Variants in EHMT1 observed in about 807,000 individuals in gnomAD.
The protein encoded by EHMT1 is euchromatic histone lysine methyltransferase 1, also known as histone-lysine N-methyltransferase EHMT1.
EHMT1 carries 15 observed loss-of-function variants against 147.2 expected under a neutral mutation model. The observed-to-expected ratio is 0.10, with a 90% CI of 0.07 to 0.16. The LOEUF is 0.16. Among genes scored for constraint, EHMT1 ranks in the 10% least tolerant of loss-of-function variants. The probability of loss-of-function intolerance (pLI) is 1.00; values close to 1 mark genes in which losing one functional copy is unlikely to be tolerated. For synonymous variants in EHMT1, 795 were observed against 709.6 expected (o/e 1.12, Z -1.91); for missense variants, 1,587 against 1,772.4 (o/e 0.90, Z 1.88).
rs571558099 is a variant in EHMT1, at chr9:137,686,920, C to T, written c.22-24047C>T. Among the ~76,000 whole-genome samples, 42 of 151,994 alleles carry T rather than the reference C, an allele frequency of 2.8e-4. No individual in the cohort carries two copies. The South Asian group carries it at 5.6e-3, about 20-fold the overall frequency. ...TAATTTTTTGTATTTTTAGTAGAGA[C>T]GGGGTTTCACCATGTAGCCAGGATG... On this transcript the variant is annotated intron_variant, in intron 1 of 26. Transcript: ENST00000460843.
At chr9:137,661,872 G>C (rs183634379) in intron 1 of EHMT1, among the ~76,000 whole-genome samples, 1 of 151,908 alleles carries the variant, frequency 6.6e-6, no homozygotes, top group Non-Finnish European at 1.5e-5. Flanking sequence ...CTGCAATCTC[G>C]GCTCACTGCA....
chr9:137,696,659 A>G (rs957229072), intron 1 of EHMT1, among the ~76,000 whole-genome samples: 1 of 152,192 alleles, frequency 6.6e-6, no homozygotes, highest in African/African-American at 2.4e-5. Flanking sequence ...CATCAAGTTC[A>G]ACTGTAGAAT....
intron 10 of EHMT1, among the ~76,000 whole-genome samples, chr9:137,767,712 C>T (rs532607410): frequency 1.7e-4 from 26 of 152,188 alleles, no homozygotes; most frequent in African/African-American, 6.3e-4. Flanking sequence ...ACTTGGGAGG[C>T]TGAGACAGGA....
chr9:137,725,248 C>T (rs1013276344), intron 3 of EHMT1, among the ~76,000 whole-genome samples: 2 of 149,416 alleles, frequency 1.3e-5, no homozygotes. Flanking sequence ...AGATGTGGGG[C>T]AGACATGTGG....
chr9:137,781,090 T>C (rs78863245), intron 14 of EHMT1, among the ~76,000 whole-genome samples: 3,103 of 9,570 alleles, frequency 0.32, 59 homozygotes, highest in East Asian at 0.41. Context: ...GTGATGACGC[T>C]GGGATGTGTG....
At chr9:137,706,412 A>C (rs1944278316) in intron 1 of EHMT1, among the ~76,000 whole-genome samples, 1 of 152,224 alleles carries the variant, frequency 6.6e-6, no homozygotes, top group South Asian at 2.1e-4. Flanking sequence ...TAGATCAAGG[A>C]GAAGGAATAA....
At chr9:137,783,815 G>A (rs1411731020) in intron 15 of EHMT1, among the ~76,000 whole-genome samples, 3 of 152,216 alleles carry the variant, frequency 2.0e-5, no homozygotes, top group African/African-American at 7.2e-5. Context: ...CCCCGTTTCC[G>A]GAGTCATAAC....
chr9:137,791,777 A>G (rs1412900860), intron 16 of EHMT1, among the ~76,000 whole-genome samples: 1 of 152,146 alleles, frequency 6.6e-6, no homozygotes, highest in Non-Finnish European at 1.5e-5. Context: ...TGTCACCCAG[A>G]TTGGAGTGCA....
chr9:137,702,922 C>T (rs533082819), intron 1 of EHMT1, among the ~76,000 whole-genome samples: 3 of 152,208 alleles, frequency 2.0e-5, no homozygotes, highest in Non-Finnish European at 4.4e-5. Context: ...TACAGGCATG[C>T]GCCACCACAG....
intron 16 of EHMT1, among the ~76,000 whole-genome samples, chr9:137,791,836 A>G (rs994889043): frequency 1.3e-5 from 2 of 152,156 alleles, no homozygotes; most frequent in East Asian, 3.8e-4. Context: ...GGTTCAAGCA[A>G]TTCTCCTGCC....
At chr9:137,783,811 T>C (rs1181334765) in intron 15 of EHMT1, among the ~76,000 whole-genome samples, 1 of 152,262 alleles carries the variant, frequency 6.6e-6, no homozygotes, top group African/African-American at 2.4e-5. Context: ...TGTCCCCCGT[T>C]TCCGGAGTCA....
chr9:137,716,864 C>T lies in EHMT1; in HGVS notation c.324C>T (p.His108=), dbSNP rs574402576. 3.0e-5 allele frequency: 49 copies of T among 1,613,282 alleles called. No homozygotes were observed. The highest frequency in any genetic ancestry group is 1.8e-4 in the East Asian group (8 of 44,888). Residue 108 remains histidine, a synonymous_variant, in exon 3 of 27, where the codon CAC becomes CAT. Coordinates refer to ENST00000460843, the MANE Select transcript of EHMT1 (RefSeq NM_024757.5). ...ACTCAGAAGCGGCGAAGCAAAACCACGTCACTGCCGACGACTTTGTGCAGA... is the reference window on the plus strand; with the variant it reads ...ACTCAGAAGCGGCGAAGCAAAACCATGTCACTGCCGACGACTTTGTGCAGA... The part of the protein sequence containing the change: ...ERDSEAAKQN[H]VTADDFVQTS...
At chr9:137,670,486 C>T (rs768326958) in intron 1 of EHMT1, among the ~76,000 whole-genome samples, 1 of 152,152 alleles carries the variant, frequency 6.6e-6, no homozygotes, top group Non-Finnish European at 1.5e-5. Context: ...ACTCTGGTGT[C>T]CTGTGCCCAC....
At chr9:137,826,200 A>G (rs1380505558) in intron 25 of EHMT1, among the ~76,000 whole-genome samples, 2 of 152,180 alleles carry the variant, frequency 1.3e-5, no homozygotes, top group African/African-American at 2.4e-5. Flanking sequence ...CCTTGCTGCC[A>G]TATCTCCTGC....
chr9:137,801,310 C>G (rs1182800748), intron 18 of EHMT1, among the ~76,000 whole-genome samples: 1 of 152,180 alleles, frequency 6.6e-6, no homozygotes, highest in Non-Finnish European at 1.5e-5. Flanking sequence ...ACCTCTGGCT[C>G]TCCCTTTGTT....
At chr9:137,762,015 C>T (rs1949865063) in intron 9 of EHMT1, among the ~76,000 whole-genome samples, 1 of 152,218 alleles carries the variant, frequency 6.6e-6, no homozygotes, top group South Asian at 2.1e-4. Context: ...CATGGGGGCA[C>T]CAGCCCTGGC....
In EHMT1 at chr9:137,728,526, A is replaced by G; in HGVS notation, c.820A>G (p.Thr274Ala). 6.2e-7 allele frequency: 1 copy of G among 1,614,084 alleles called. No homozygotes were observed. The highest frequency in any genetic ancestry group is 8.5e-7 in the Non-Finnish European group (1 of 1,180,010). ...QCYMATTKSQ[T>A]ACLPFVLAAA... Reference sequence around the variant, plus strand: ...CTACATGGCCACCACAAAATCACAGACAGGTAAAGAGGACCCGGCAACTGT... The same window carrying G: ...CTACATGGCCACCACAAAATCACAGGCAGGTAAAGAGGACCCGGCAACTGT... The change falls in exon 4 of 27, where the codon ACA becomes GCA. Residue 274 changes from threonine to alanine, a missense_variant. By Grantham distance (58) the Thr-to-Ala change is moderately conservative (BLOSUM62 0). Transcript: ENST00000460843.
intron 4 of EHMT1, among the ~76,000 whole-genome samples, chr9:137,735,445 T>G (rs1256655570): frequency 6.6e-6 from 1 of 151,816 alleles, no homozygotes; most frequent in Non-Finnish European, 1.5e-5. Flanking sequence ...CTATAAAAAA[T>G]CAACTAAATA....
intron 9 of EHMT1, among the ~76,000 whole-genome samples, 169 bp downstream of exon 9, chr9:137,758,180 C>T (rs74408497): frequency 0.01 from 1,550 of 152,186 alleles, 26 homozygotes; most frequent in African/African-American, 0.035. Context: ...TGCTGTGTCC[C>T]GGTGTTCAAG....
Sources: gnomAD v4.1 joint callset for allele counts (sites outside exome capture counted in the v4.1 genomes callset) on GRCh38, gnomAD v4.1.1 for gene constraint, MANE v1.5 for transcripts, NCBI Gene and HGNC (gene_info 2026-07-23, HGNC 2026-07-21) for gene names.